Variants in THEM4 observed in about 807,000 individuals in gnomAD.
THEM4 encodes thioesterase superfamily member 4.
Under a neutral mutation model 25.0 loss-of-function variants are expected in THEM4, and 22 were observed. The ratio of observed to expected loss-of-function variants is 0.88; its 90% CI spans 0.63 to 1.26. The LOEUF (loss-of-function observed/expected upper bound fraction) is 1.26. Ranked by LOEUF, THEM4 falls within the 50% of genes most tolerant of loss-of-function variation. THEM4 has a pLI of 0.00. For synonymous variants in THEM4, 113 were observed against 105.6 expected (o/e 1.07, Z -0.43); for missense variants, 286 against 300.3 (o/e 0.95, Z 0.35).
At chr1:151,893,619 G>C (rs1272371809) in intron 2 of THEM4, among the ~76,000 whole-genome samples, 1 of 152,026 alleles carries the variant, frequency 6.6e-6, no homozygotes, top group Non-Finnish European at 1.5e-5. Context: ...AGAACATCAG[G>C]CACAGATGCA....
At chr1:151,908,374 T>C (rs905615910) in intron 1 of THEM4, among the ~76,000 whole-genome samples, 1 of 152,186 alleles carries the variant, frequency 6.6e-6, no homozygotes, top group South Asian at 2.1e-4. Context: ...TGTAACCCCA[T>C]TGCATAGCTT....
At chr1:151,884,344 T>C (rs1298596680) in intron 4 of THEM4, among the ~76,000 whole-genome samples, 1 of 152,230 alleles carries the variant, frequency 6.6e-6, no homozygotes, top group Non-Finnish European at 1.5e-5. Context: ...AGTGGAGTGA[T>C]ATTTAGAAGT....
chr1:151,876,421 G>T (rs1653671149), intron 5 of THEM4, among the ~76,000 whole-genome samples: 2 of 151,006 alleles, frequency 1.3e-5, no homozygotes, highest in Non-Finnish European at 2.9e-5. Context: ...AGTCCTGGAG[G>T]TGGGTCAAAG....
chr1:151,880,851 A>G (rs1426048353), intron 4 of THEM4, among the ~76,000 whole-genome samples: 1 of 152,110 alleles, frequency 6.6e-6, no homozygotes, highest in Non-Finnish European at 1.5e-5. Flanking sequence ...GGTTTGGTCT[A>G]TTTATAGAGA....
intron 4 of THEM4, among the ~76,000 whole-genome samples, chr1:151,883,411 A>G (rs1375832456): frequency 6.6e-6 from 1 of 151,958 alleles, no homozygotes; most frequent in Non-Finnish European, 1.5e-5. Flanking sequence ...CACGGTGCCC[A>G]GCCTGCCAAA....
At position 151,909,463 on chromosome 1, in the gene THEM4, C is replaced by G; in HGVS notation, c.-5G>C. 7.2e-7 allele frequency: 1 copy of G among 1,385,844 alleles called. No homozygotes were observed. Among genetic ancestry groups the G allele is most frequent in the Non-Finnish European group, 9.3e-7 (1 of 1,079,052 alleles). 85.8% of individuals were successfully genotyped at this position (1,385,844 alleles called of 1,614,324 possible). A position where few individuals can be genotyped will look rare whatever the true frequency, so the allele number is the denominator to read the frequency against. On this transcript the variant is annotated 5_prime_UTR_variant, in exon 1 of 6. Transcript: ENST00000368814. ...CGCGGCGCAGCTCCTCAGCATGGCT[C>G]CGGGCCGCGGGGCCGCGCTTGCTCT...
At chr1:151,892,614 TTTTA>T (rs745585122) in intron 2 of THEM4, among the ~76,000 whole-genome samples, 120 of 152,336 alleles carry the variant, frequency 7.9e-4, no homozygotes, top group Middle Eastern at 3.4e-3. Context: ...TCTTGATTAG[TTTTA>T]TTTTTGTTTT....
chr1:151,895,858 G>A (rs1365264476), intron 1 of THEM4, among the ~76,000 whole-genome samples: 1 of 152,116 alleles, frequency 6.6e-6, no homozygotes, highest in East Asian at 1.9e-4. Flanking sequence ...TCATGATAGT[G>A]AGTTCTCATG....
At chr1:151,906,482 C>T (rs555942927) in intron 1 of THEM4, among the ~76,000 whole-genome samples, 14 of 152,170 alleles carry the variant, frequency 9.2e-5, no homozygotes, top group East Asian at 5.8e-4. Context: ...TGCTCCACGG[C>T]GCCCAGTCCC....
intron 4 of THEM4, among the ~76,000 whole-genome samples, chr1:151,884,111 A>AAGG (rs1558189797): frequency 7.3e-4 from 110 of 150,914 alleles, no homozygotes; most frequent in African/African-American, 2.0e-3. Flanking sequence ...ATAAATAAAT[A>AAGG]AAGGAAGGAA....
intron 1 of THEM4, among the ~76,000 whole-genome samples, chr1:151,899,482 CAA>C (rs58168472): frequency 5.9e-4 from 56 of 94,550 alleles, no homozygotes; most frequent in Non-Finnish European, 7.4e-4. Context: ...CAGAGTGAGT[CAA>C]AAAAAAAAAA....
At chr1:151,893,561 C>T (rs1654143444) in intron 2 of THEM4, among the ~76,000 whole-genome samples, 1 of 152,056 alleles carries the variant, frequency 6.6e-6, no homozygotes, top group Non-Finnish European at 1.5e-5. Context: ...AAATGGAAGG[C>T]TTGGTCTCCC....
At chr1:151,906,222 C>T (rs1214339580) in intron 1 of THEM4, among the ~76,000 whole-genome samples, 3 of 152,240 alleles carry the variant, frequency 2.0e-5, no homozygotes, top group African/African-American at 4.8e-5. Context: ...GCGGGCCCTG[C>T]ACTCGGAGCA....
intron 4 of THEM4, among the ~76,000 whole-genome samples, chr1:151,885,275 C>T (rs1434068666): frequency 1.3e-5 from 2 of 152,110 alleles, no homozygotes; most frequent in African/African-American, 2.4e-5. Flanking sequence ...CGTGCCACCA[C>T]ACCTGGGTAA....
intron 1 of THEM4, among the ~76,000 whole-genome samples, chr1:151,896,500 T>C (rs1654228849): frequency 6.6e-6 from 1 of 152,172 alleles, no homozygotes; most frequent in South Asian, 2.1e-4. Flanking sequence ...ATTACAATCA[T>C]ATGAAGTAGG....
rs1653557317 is a variant in THEM4, at chr1:151,871,706, G to T, written c.*3182C>A. ...AGTGTAAGAAATGAAACTGTAAAGG[G>T]AAAAAAGTGGATACGAAGGGAGGCA... On this transcript the variant is annotated 3_prime_UTR_variant, in exon 6 of 6. Transcript: ENST00000368814. Among the ~76,000 whole-genome samples the T allele has an allele frequency of 6.6e-6, 1 of 151,768 alleles. No homozygotes were observed. Among genetic ancestry groups the T allele is most frequent in the Admixed American group, 6.5e-5 (1 of 15,272 alleles).
At chr1:151,901,649 C>T (rs1654354254) in intron 1 of THEM4, among the ~76,000 whole-genome samples, 1 of 152,042 alleles carries the variant, frequency 6.6e-6, no homozygotes, top group Non-Finnish European at 1.5e-5. Flanking sequence ...TCGAGATCAG[C>T]CTGACTAACA....
intron 2 of THEM4, among the ~76,000 whole-genome samples, chr1:151,892,210 G>A (rs1654109697): frequency 6.6e-6 from 1 of 152,158 alleles, no homozygotes; most frequent in South Asian, 2.1e-4. Context: ...GAAGAAATGA[G>A]CAAAATGTAG....
chr1:151,882,683 C>T (rs535154602), intron 4 of THEM4, among the ~76,000 whole-genome samples: 36 of 152,198 alleles, frequency 2.4e-4, no homozygotes, highest in Middle Eastern at 3.4e-3. Flanking sequence ...ATCTCAACAC[C>T]GCACTAGAAC....
Sources: gnomAD v4.1 joint callset for allele counts (sites outside exome capture counted in the v4.1 genomes callset) on GRCh38, gnomAD v4.1.1 for gene constraint, MANE v1.5 for transcripts, NCBI Gene and HGNC (gene_info 2026-07-23, HGNC 2026-07-21) for gene names.